The following PRKG1 variants were observed in gnomAD, a reference collection of about 807,000 sequenced individuals.
The protein encoded by PRKG1 is protein kinase cGMP-dependent 1.
A neutral mutation model predicts 88.1 loss-of-function variants in PRKG1; 35 were observed. The observed-to-expected ratio is 0.40, with a 90% CI of 0.30 to 0.53. The LOEUF (loss-of-function observed/expected upper bound fraction) is 0.53. Ranked by LOEUF, PRKG1 falls within the 20% of genes least tolerant of loss-of-function variation. The probability of loss-of-function intolerance (pLI) is 0.59; values close to 1 mark genes in which losing one functional copy is unlikely to be tolerated. For synonymous variants in PRKG1, 303 were observed against 292.5 expected, an observed-to-expected ratio of 1.04 and a Z score of -0.37; for missense variants, 540 against 839.8, an observed-to-expected ratio of 0.64 and a Z score of 4.41.
At chr10:52,167,220 A>C in intron 9 of PRKG1, among the ~76,000 whole-genome samples, 1 of 152,092 alleles carries the variant, frequency 6.6e-6, no homozygotes, top group Non-Finnish European at 1.5e-5. Flanking sequence ...GCAACAGGGC[A>C]TATCACATGA....
chr10:52,016,083 C>A (rs1845032457), intron 5 of PRKG1, among the ~76,000 whole-genome samples: 1 of 152,204 alleles, frequency 6.6e-6, no homozygotes, highest in African/African-American at 2.4e-5. Flanking sequence ...TACTTAGTTC[C>A]AAAGTCACTT....
chr10:51,696,256 T>C (rs1256569251), intron 3 of PRKG1: 1 of 138,470 alleles, frequency 7.2e-6, no homozygotes, highest in East Asian at 2.1e-4. Context: ...TGTTAAATGC[T>C]CTTTAAAGGT....
intron 4 of PRKG1, among the ~76,000 whole-genome samples, chr10:51,844,275 A>G (rs1471546567): frequency 6.6e-6 from 1 of 152,188 alleles, no homozygotes; most frequent in Non-Finnish European, 1.5e-5. Context: ...GGTAACTTCT[A>G]ATTACAGAAA....
At position 51,686,317 on chromosome 10, in the gene PRKG1, G is replaced by A. The variant is rs150397590; in HGVS notation, c.593-118268G>A. Among the ~76,000 whole-genome samples, 30 of 152,120 alleles carry A rather than the reference G, an allele frequency of 2.0e-4. No individual in the cohort carries two copies. In the East Asian group the frequency reaches 5.8e-3, roughly 29 times the overall value. Reference sequence around the variant, plus strand: ...CTCCCTCTTCACCCCCATCAAGTAGGCCCCAGTGCCTGTTGTTCCTCTCTT... The same window carrying A: ...CTCCCTCTTCACCCCCATCAAGTAGACCCCAGTGCCTGTTGTTCCTCTCTT... On this transcript the variant is annotated intron_variant, in intron 3 of 17. Coordinates refer to ENST00000373980, the MANE Select transcript of PRKG1 (RefSeq NM_006258.4).
chr10:51,797,306 TA>T (rs1169988386), intron 3 of PRKG1, among the ~76,000 whole-genome samples: 1 of 148,286 alleles, frequency 6.7e-6, no homozygotes, highest in African/African-American at 2.5e-5. Context: ...GTAAAATATA[TA>T]TTTTTTACTT....
chr10:52,089,192 G>T (rs1846990569), intron 7 of PRKG1, among the ~76,000 whole-genome samples: 1 of 152,100 alleles, frequency 6.6e-6, no homozygotes, highest in Non-Finnish European at 1.5e-5. Context: ...GATTAACTGG[G>T]TAACTTGACT....
intron 2 of PRKG1, among the ~76,000 whole-genome samples, chr10:51,267,984 T>C (rs1839879905): frequency 6.6e-6 from 1 of 152,162 alleles, no homozygotes; most frequent in African/African-American, 2.4e-5. Flanking sequence ...TTCTTTTCTA[T>C]TTTCCCTAAG....
intron 3 of PRKG1, among the ~76,000 whole-genome samples, chr10:51,663,017 C>T (rs965200730): frequency 7.9e-5 from 12 of 151,744 alleles, no homozygotes; most frequent in East Asian, 5.8e-4. Context: ...CCAAATGTTT[C>T]GGAGCAAAGG....
chr10:51,908,293 T>C (rs970022458), intron 5 of PRKG1: 3 of 152,204 alleles, frequency 2.0e-5, no homozygotes, highest in African/African-American at 7.2e-5. Flanking sequence ...TTTCAAACTT[T>C]TTCTCTAAAG....
At chr10:52,167,898 C>T (rs1237113015) in intron 9 of PRKG1, among the ~76,000 whole-genome samples, 1 of 152,226 alleles carries the variant, frequency 6.6e-6, no homozygotes, top group East Asian at 1.9e-4. Flanking sequence ...CAATATTGCT[C>T]TTTATTAACT....
Position 51,232,621 on chromosome 10 carries a change from GA to G in PRKG1, c.478+79295del, listed in dbSNP as rs544977413. Among the ~76,000 whole-genome samples the G allele has an allele frequency of 1.5e-4, 23 of 152,216 alleles. No individual in the cohort carries two copies. The East Asian group carries it at 4.2e-3, about 28-fold the overall frequency. On this transcript the variant is annotated intron_variant, in intron 2 of 17. Coordinates refer to ENST00000373980, the MANE Select transcript of PRKG1 (RefSeq NM_006258.4). ...TTTTCTGTCTTGTTGTTCTTTGAGA[GA>G]AAAGACCTATGATGGTACCTCAGTG... is the stretch of plus-strand genomic sequence containing the variant.
At position 52,097,938 on chromosome 10, in the gene PRKG1, A is replaced by G. The variant is rs1162396633; in HGVS notation, c.935+35307A>G. Among the ~76,000 whole-genome samples the G allele has an allele frequency of 2.6e-5, 4 of 152,108 alleles. No homozygotes were observed. In the East Asian group the frequency reaches 7.7e-4, roughly 29 times the overall value. On this transcript the variant is annotated intron_variant, in intron 7 of 17. Transcript: ENST00000373980. ...GAGATTGTAAACCATAAAACTCTCTAAAGGTAAGGTTTTCTTATTTTTATT... is the reference window on the plus strand; with the variant it reads ...GAGATTGTAAACCATAAAACTCTCTGAAGGTAAGGTTTTCTTATTTTTATT...
chr10:51,374,757 T>C (rs566875096), intron 2 of PRKG1, among the ~76,000 whole-genome samples: 1 of 152,330 alleles, frequency 6.6e-6, no homozygotes, highest in South Asian at 2.1e-4. Context: ...TTCTATTCTT[T>C]ATAAATTACC....
intron 1 of PRKG1, among the ~76,000 whole-genome samples, chr10:51,099,670 A>T (rs1844631307): frequency 6.6e-6 from 1 of 152,132 alleles, no homozygotes. Flanking sequence ...TGAGGAAAAC[A>T]TTCTTGTGCC....
At chr10:52,260,038 G>C (rs1232327206) in intron 10 of PRKG1, among the ~76,000 whole-genome samples, 1 of 151,504 alleles carries the variant, frequency 6.6e-6, no homozygotes, top group Non-Finnish European at 1.5e-5. Context: ...CCTTATCATT[G>C]AAAGAGGCAT....
intron 2 of PRKG1, among the ~76,000 whole-genome samples, chr10:51,305,690 A>G (rs1841017969): frequency 6.6e-6 from 1 of 152,198 alleles, no homozygotes. Context: ...ACACCAAAAT[A>G]GGATTCCTTT....
intron 7 of PRKG1, among the ~76,000 whole-genome samples, chr10:52,063,701 A>C (rs1846290614): frequency 6.6e-6 from 1 of 152,170 alleles, no homozygotes; most frequent in Admixed American, 6.5e-5. Context: ...CCCTCTCCAC[A>C]GCCAAGGTGT....
intron 2 of PRKG1, among the ~76,000 whole-genome samples, chr10:51,455,903 C>T (rs1839571230): frequency 6.6e-6 from 1 of 152,192 alleles, no homozygotes; most frequent in Admixed American, 6.5e-5. Context: ...CTGCCTGTTA[C>T]CCAATTTGAA....
intron 3 of PRKG1, among the ~76,000 whole-genome samples, chr10:51,632,455 C>G (rs1315616662): frequency 6.6e-6 from 1 of 152,116 alleles, no homozygotes; most frequent in Non-Finnish European, 1.5e-5. Context: ...ACGTGCACAC[C>G]CATCGCAGTC....
Sources: gnomAD v4.1 joint callset for allele counts (sites outside exome capture counted in the v4.1 genomes callset) on GRCh38, gnomAD v4.1.1 for gene constraint, MANE v1.5 for transcripts, NCBI Gene and HGNC (gene_info 2026-07-23, HGNC 2026-07-21) for gene names.